The following BCAR3 variants were observed in gnomAD, a reference collection of about 807,000 sequenced individuals.
BCAR3 encodes the protein BCAR3 adaptor protein, NSP family member.
Under a neutral mutation model 80.1 loss-of-function variants are expected in BCAR3, and 37 were observed. That is an observed-to-expected ratio of 0.46 (90% CI 0.36 to 0.61). The LOEUF (loss-of-function observed/expected upper bound fraction) is 0.61. Among genes scored for constraint, BCAR3 ranks in the 20% least tolerant of loss-of-function variants. BCAR3 has a pLI of 0.00. For missense variants in BCAR3, 978 were observed against 1,068.2 expected, an observed-to-expected ratio of 0.92 and a Z score of 1.18; for synonymous variants, 389 against 418.9, an observed-to-expected ratio of 0.93 and a Z score of 0.87.
chr1:93,587,289 G>C (rs914827451), intron 5 of BCAR3, among the ~76,000 whole-genome samples: 4 of 152,264 alleles, frequency 2.6e-5, no homozygotes, highest in South Asian at 4.2e-4. Flanking sequence ...GCCTCCCAAA[G>C]TGCTGGGATT....
At chr1:93,655,309 T>C (rs1453383527) in intron 2 of BCAR3, among the ~76,000 whole-genome samples, 1 of 152,124 alleles carries the variant, frequency 6.6e-6, no homozygotes, top group Non-Finnish European at 1.5e-5. Flanking sequence ...GAGGGCAAGA[T>C]AGACTCAGAA....
At chr1:93,831,113 G>A (rs1216581456) in intron 2 of BCAR3, among the ~76,000 whole-genome samples, 1 of 152,142 alleles carries the variant, frequency 6.6e-6, no homozygotes, top group Non-Finnish European at 1.5e-5. Flanking sequence ...ACGCCTGCCT[G>A]ATTATTCGCC....
chr1:93,828,746 G>A (rs1345390742), intron 2 of BCAR3, among the ~76,000 whole-genome samples: 1 of 152,104 alleles, frequency 6.6e-6, no homozygotes, highest in African/African-American at 2.4e-5. Context: ...CCAGGCCGGA[G>A]TGCAGTGGCA....
intron 2 of BCAR3, among the ~76,000 whole-genome samples, chr1:93,733,487 C>T (rs1462633210): frequency 1.3e-5 from 2 of 152,136 alleles, no homozygotes; most frequent in Non-Finnish European, 2.9e-5. Flanking sequence ...AGGGCTCTAG[C>T]GGGATATCCC....
intron 3 of BCAR3, among the ~76,000 whole-genome samples, chr1:93,628,018 A>G (rs1675502002): frequency 6.6e-6 from 1 of 152,128 alleles, no homozygotes; most frequent in Admixed American, 6.5e-5. Flanking sequence ...AACGACAAAT[A>G]AAAAAAACTT....
At chr1:93,669,288 C>T (rs1648089853) in intron 2 of BCAR3, among the ~76,000 whole-genome samples, 1 of 152,140 alleles carries the variant, frequency 6.6e-6, no homozygotes, top group African/African-American at 2.4e-5. Context: ...CAGATGAGGG[C>T]ATTGATACAG....
chr1:93,770,417 G>A (rs1557682666), intron 2 of BCAR3, among the ~76,000 whole-genome samples: 1 of 152,056 alleles, frequency 6.6e-6, no homozygotes, highest in African/African-American at 2.4e-5. Context: ...GGGCCCCCTG[G>A]GACTCTGCAA....
intron 2 of BCAR3, among the ~76,000 whole-genome samples, chr1:93,799,612 C>G (rs757132221): frequency 6.6e-6 from 1 of 152,084 alleles, no homozygotes; most frequent in African/African-American, 2.4e-5. Context: ...CTTTAGATAA[C>G]TTATGTCTTG....
intron 3 of BCAR3, among the ~76,000 whole-genome samples, chr1:93,696,244 T>C (rs1490561144): frequency 6.6e-6 from 1 of 152,118 alleles, no homozygotes; most frequent in Non-Finnish European, 1.5e-5. Flanking sequence ...TGCTAAATGT[T>C]GATTATGGGA....
At chr1:93,799,812 A>G (rs1424342446) in intron 2 of BCAR3, among the ~76,000 whole-genome samples, 1 of 152,268 alleles carries the variant, frequency 6.6e-6, no homozygotes, top group Non-Finnish European at 1.5e-5. Context: ...ATAACAGTCC[A>G]GGTATATTGA....
chr1:93,578,767 GACC>G (rs1373310035), intron 7 of BCAR3, among the ~76,000 whole-genome samples: 9 of 151,914 alleles, frequency 5.9e-5, no homozygotes, highest in Non-Finnish European at 1.2e-4. Context: ...CAAGAGCAGA[GACC>G]ACAAGCTGCC....
chr1:93,760,380 A>T (rs1269625244), intron 2 of BCAR3, among the ~76,000 whole-genome samples: 1 of 152,176 alleles, frequency 6.6e-6, no homozygotes, highest in East Asian at 1.9e-4. Flanking sequence ...ACTTCGGGTG[A>T]GACTCAATGA....
rs192166913 is a variant in BCAR3, at chr1:93,764,801, C to T, written c.-62-58659G>A. Among the ~76,000 whole-genome samples the T allele has an allele frequency of 3.9e-5, 6 of 152,312 alleles. No individual in the cohort carries two copies. The East Asian group carries it at 1.2e-3, about 29-fold the overall frequency. On this transcript the variant is annotated intron_variant, in intron 2 of 13. Coordinates refer to the BCAR3 transcript ENST00000370244. ...CTCTCTTCAATTTTGGTATCTAGCTCTCCTTTGGGCTCTGTATATGCCCCT... is the reference window on the plus strand; with the variant it reads ...CTCTCTTCAATTTTGGTATCTAGCTTTCCTTTGGGCTCTGTATATGCCCCT...
Position 93,589,085 on chromosome 1 carries a change from C to T in BCAR3, c.821G>A (p.Arg274Gln), listed in dbSNP as rs139249000. ...CCTTCCCTTGGTGAGGCTGCCCTCCCGGGCCTGGCCTGGGGAGGTGCCATA... is the reference window on the plus strand; with the variant it reads ...CCTTCCCTTGGTGAGGCTGCCCTCCTGGGCCTGGCCTGGGGAGGTGCCATA... ...EHYGTSPGQAREGSLTKGRPD... is the reference protein window; with the variant it reads ...EHYGTSPGQAQEGSLTKGRPD... Residue 274 changes from arginine to glutamine, a missense_variant, in exon 5 of 12, where the codon CGG (arginine) becomes CAG (glutamine). Coordinates refer to ENST00000260502, the MANE Select transcript of BCAR3 (RefSeq NM_003567.4). The T allele has an allele frequency of 5.2e-5, 84 of 1,612,360 alleles. No homozygotes were observed. Among genetic ancestry groups the T allele is most frequent in the African/African-American group, 4.0e-4 (30 of 74,902 alleles).
intron 2 of BCAR3, among the ~76,000 whole-genome samples, chr1:93,715,941 GA>G (rs1224225146): frequency 6.6e-6 from 1 of 152,222 alleles, no homozygotes; most frequent in Non-Finnish European, 1.5e-5. Flanking sequence ...TGGTGACAGG[GA>G]GCAAGGATGG....
intron 3 of BCAR3, among the ~76,000 whole-genome samples, chr1:93,688,567 A>G (rs1292495967): frequency 2.0e-5 from 3 of 151,958 alleles, no homozygotes; most frequent in East Asian, 1.9e-4. Flanking sequence ...GTGTCTGTGT[A>G]TATATATATG....
chr1:93,619,451 C>A (rs1355681114), intron 3 of BCAR3, among the ~76,000 whole-genome samples: 4 of 152,200 alleles, frequency 2.6e-5, no homozygotes, highest in African/African-American at 9.6e-5. Flanking sequence ...CCACCTACTT[C>A]CCAAGATTCC....
chr1:93,759,209 C>G (rs756677805), intron 2 of BCAR3, among the ~76,000 whole-genome samples: 1 of 152,078 alleles, frequency 6.6e-6, no homozygotes, highest in East Asian at 1.9e-4. Flanking sequence ...CTTTTGCCAC[C>G]AACAAAAAAC....
chr1:93,591,829 C>T (rs1674211811), intron 4 of BCAR3, among the ~76,000 whole-genome samples: 1 of 152,166 alleles, frequency 6.6e-6, no homozygotes, highest in Non-Finnish European at 1.5e-5. Flanking sequence ...CAGAGGCAGC[C>T]TTGTTGATCT....
Sources: gnomAD v4.1 joint callset for allele counts (sites outside exome capture counted in the v4.1 genomes callset) on GRCh38, gnomAD v4.1.1 for gene constraint, MANE v1.5 for transcripts, NCBI Gene and HGNC (gene_info 2026-07-23, HGNC 2026-07-21) for gene names.